The following STRN4 variants were observed in gnomAD, a reference collection of about 807,000 sequenced individuals.
STRN4 encodes striatin-4.
A neutral mutation model predicts 77.9 loss-of-function variants in STRN4; 27 were observed. That is an observed-to-expected ratio of 0.35 (90% CI 0.26 to 0.48). STRN4 has a LOEUF of 0.48. STRN4 is among the 20% of genes least tolerant of loss of function. The probability of loss-of-function intolerance (pLI) is 0.99; values close to 1 mark genes in which losing one functional copy is unlikely to be tolerated. For synonymous variants in STRN4, 466 were observed against 443.1 expected (o/e 1.05, Z -0.65); for missense variants, 798 against 1,049.7 (o/e 0.76, Z 3.31).
At position 46,733,571 on chromosome 19, in the gene STRN4, A is replaced by C. The variant is rs2054299451; in HGVS notation, c.540-335T>G. ...CAGAAGATCAACAGGGCAGAGCCTTAAGGGAAGCTGGCCACGGTAAACAGC... is the reference window on the plus strand; with the variant it reads ...CAGAAGATCAACAGGGCAGAGCCTTCAGGGAAGCTGGCCACGGTAAACAGC... On this transcript the variant is annotated intron_variant, in intron 4 of 17. Coordinates refer to ENST00000263280, the MANE Select transcript of STRN4 (RefSeq NM_013403.3). The surrounding 1 kb of genome is among the most constrained non-coding windows in gnomAD (Gnocchi z 4.3). 3.8e-6 allele frequency: 1 copy of C among 265,700 alleles called. No individual in the cohort carries two copies. Among genetic ancestry groups the C allele is most frequent in the East Asian group, 8.0e-5 (1 of 12,468 alleles). 16.5% of individuals were successfully genotyped at this position (265,700 alleles called of 1,614,324 possible).
chr19:46,738,900 G>C lies in STRN4; in HGVS notation c.283-12C>G, dbSNP rs750939578. 6.2e-7 allele frequency: 1 copy of C among 1,611,096 alleles called. No homozygotes were observed. Among genetic ancestry groups the C allele is most frequent in the Non-Finnish European group, 8.5e-7 (1 of 1,177,960 alleles). ...AAGGCCACCTGAGCCTGGGAGGGCAGACAGGAGGCAAAGGGAGATAATGGG... is the reference window on the plus strand; with the variant it reads ...AAGGCCACCTGAGCCTGGGAGGGCACACAGGAGGCAAAGGGAGATAATGGG... On this transcript the variant is annotated splice_polypyrimidine_tract_variant and intron_variant, in intron 1 of 17. Transcript: ENST00000263280. The surrounding 1 kb of genome is among the most constrained non-coding windows in gnomAD (Gnocchi z 4.5).
Position 46,738,252 on chromosome 19 carries a change from G to A in STRN4, c.387-15C>T. ...GATATTTGGCCCTAAAAGAGCAAAT[G>A]ATTAATGAATAAGAGATGCGGGAGA... On this transcript the variant is annotated splice_polypyrimidine_tract_variant and intron_variant, in intron 2 of 17. Transcript: ENST00000263280. The surrounding 1 kb of genome is among the most constrained non-coding windows in gnomAD (Gnocchi z 4.5). 1 of 1,611,570 alleles carries A rather than the reference G, an allele frequency of 6.2e-7. No individual in the cohort carries two copies. Among genetic ancestry groups the A allele is most frequent in the Non-Finnish European group, 8.5e-7 (1 of 1,177,706 alleles).
Position 46,746,196 on chromosome 19 carries a change from A to G in STRN4, c.235T>C (p.Phe79Leu). 6.5e-7 allele frequency: 1 copy of G among 1,539,278 alleles called. No individual in the cohort carries two copies. Among genetic ancestry groups the G allele is most frequent in the Non-Finnish European group, 8.7e-7 (1 of 1,151,238 alleles). ...LHFIQHEWAR[F>L]EAEKARWEAE... ...TCCCAGCGGGCTTTCTCGGCTTCGA[A>G]GCGCGCCCACTCGTGCTGGATAAAG... Residue 79 changes from phenylalanine (F) to leucine (L), a missense_variant, in exon 1 of 18, where the codon TTC becomes CTC. By Grantham distance (22) the Phe-to-Leu change is conservative (BLOSUM62 0). Coordinates refer to ENST00000263280, the MANE Select transcript of STRN4 (RefSeq NM_013403.3).
intron 16 of STRN4, chr19:46,721,053 C>G: frequency 2.9e-6 from 1 of 349,754 alleles, no homozygotes; most frequent in Middle Eastern, 7.4e-4. Flanking sequence ...CTCCCTGCCC[C>G]GCAGCACTGA....
At chr19:46,730,932 A>G in intron 5 of STRN4, 59 bp from the exon 6 acceptor site, 1 of 1,592,838 alleles carries the variant, frequency 6.3e-7, no homozygotes, top group Non-Finnish European at 8.5e-7. Context: ...AAGCTCAGAT[A>G]GGAAGGTGCC....
At chr19:46,746,099 G>C (rs571064207) in intron 1 of STRN4, 50 bp downstream of exon 1, 1 of 1,395,492 alleles carries the variant, frequency 7.2e-7, no homozygotes, top group Non-Finnish European at 9.3e-7. Context: ...GGGTGAGGCC[G>C]GGCCGGGCCG....
chr19:46,735,316 A>T (rs1027426823), intron 4 of STRN4, among the ~76,000 whole-genome samples: 2 of 152,106 alleles, frequency 1.3e-5, no homozygotes, highest in African/African-American at 2.4e-5. Flanking sequence ...AAAACATTAA[A>T]AAATAAATAA....
At chr19:46,736,782 C>A (rs369423867) in intron 4 of STRN4, 41 bp downstream of exon 4, 5 of 1,597,012 alleles carry the variant, frequency 3.1e-6, no homozygotes, top group Non-Finnish European at 4.3e-6. Context: ...TCAAGCCAAA[C>A]GTGTCACGTG....
At position 46,721,532 on chromosome 19, in the gene STRN4, C is replaced by T. The variant is rs376770485; in HGVS notation, c.2092+454G>A. The T allele has an allele frequency of 6.7e-5, 13 of 194,274 alleles. No individual in the cohort carries two copies. In the East Asian group the frequency reaches 8.3e-4, roughly 12 times the overall value. The allele number at this position is 194,274 out of a possible 1,614,324, so 12.0% of individuals were successfully genotyped here. ...CAGGCCTCACCCTTCACCCCCACAG[C>T]GACCTCCAGTCTCCTTCTCCACCCA... On this transcript the variant is annotated intron_variant, in intron 16 of 17. Transcript: ENST00000263280.
Position 46,738,247 on chromosome 19 carries a change from CA to C in STRN4, c.387-11del, listed in dbSNP as rs1354333553. The C allele has an allele frequency of 6.2e-7, 1 of 1,613,208 alleles. No homozygotes were observed. Among genetic ancestry groups the C allele is most frequent in the East Asian group, 2.2e-5 (1 of 44,876 alleles). On this transcript the variant is annotated splice_polypyrimidine_tract_variant and intron_variant, in intron 2 of 17. Coordinates refer to ENST00000263280, the MANE Select transcript of STRN4 (RefSeq NM_013403.3). This position sits in a 1 kb window ranked among gnomAD's most constrained non-coding sequence, Gnocchi z 4.5. ...TTTATGATATTTGGCCCTAAAAGAG[CA>C]AATGATTAATGAATAAGAGATGCGG...
chr19:46,741,872 C>T lies in STRN4; in HGVS notation c.283-2984G>A, dbSNP rs531717954. Among the ~76,000 whole-genome samples, 5 of 152,346 alleles carry T rather than the reference C, an allele frequency of 3.3e-5. No homozygotes were observed. The East Asian group carries it at 9.6e-4, about 29-fold the overall frequency. Reference sequence around the variant, plus strand: ...CCCTGCATCTCCTAAGGGCCTCCTTCCCAAGCTTCAGCAGCTGCTGGCAGG... The same window carrying T: ...CCCTGCATCTCCTAAGGGCCTCCTTTCCAAGCTTCAGCAGCTGCTGGCAGG... On this transcript the variant is annotated intron_variant, in intron 1 of 17. Transcript: ENST00000263280. The surrounding 1 kb of genome is among the most constrained non-coding windows in gnomAD (Gnocchi z 4.9).
chr19:46,720,206 T>C lies in STRN4; in HGVS notation c.*199A>G. On this transcript the variant is annotated 3_prime_UTR_variant, in exon 18 of 18. Coordinates refer to ENST00000263280, the MANE Select transcript of STRN4 (RefSeq NM_013403.3). ...GGGGGTGATTCCTGAAAGGGGCCCA[T>C]CCCCAGGCTGGATGCTTGGGGAAGG... 6.0e-6 allele frequency: 1 copy of C among 167,984 alleles called. No individual in the cohort carries two copies. The highest frequency in any genetic ancestry group is 2.4e-5 in the African/African-American group (1 of 42,162). 10.4% of individuals were successfully genotyped at this position (167,984 alleles called of 1,614,324 possible).
chr19:46,724,733 C>A, intron 12 of STRN4, 74 bp downstream of exon 12: 2 of 1,604,078 alleles, frequency 1.2e-6, no homozygotes, highest in Non-Finnish European at 1.7e-6. Context: ...GAGGTGGACG[C>A]GACGTGTGTG....
chr19:46,742,459 G>A (rs376358654), intron 1 of STRN4, among the ~76,000 whole-genome samples: 22 of 152,194 alleles, frequency 1.4e-4, no homozygotes, highest in Admixed American at 3.9e-4. Flanking sequence ...AAGTCACACC[G>A]TCTGTTAGCA....
Position 46,719,944 on chromosome 19 carries a change from G to C in STRN4, c.*461C>G, listed in dbSNP as rs919306153. Reference sequence around the variant, plus strand: ...GCCGGAGGGGAGGGGCAGCCAGGCCGGGGCTCAGCTCTGAGGCTCCCGGCT... The same window carrying C: ...GCCGGAGGGGAGGGGCAGCCAGGCCCGGGCTCAGCTCTGAGGCTCCCGGCT... On this transcript the variant is annotated 3_prime_UTR_variant, in exon 18 of 18. Coordinates refer to ENST00000263280, the MANE Select transcript of STRN4 (RefSeq NM_013403.3). The C allele has an allele frequency of 5.3e-5, 8 of 152,240 alleles. No homozygotes were observed. The highest frequency in any genetic ancestry group is 4.6e-4 in the Admixed American group (7 of 15,274). 9.4% of individuals were successfully genotyped at this position (152,240 alleles called of 1,614,324 possible). A position where few individuals can be genotyped will look rare whatever the true frequency, so the allele number is the denominator to read the frequency against.
rs1416038318 is a variant in STRN4, at chr19:46,738,231, T to C, written c.393A>G (p.Lys131=). The C allele has an allele frequency of 6.2e-7, 1 of 1,614,106 alleles. No individual in the cohort carries two copies. Among genetic ancestry groups the C allele is most frequent in the Non-Finnish European group, 8.5e-7 (1 of 1,179,982 alleles). Residue 131 remains lysine (K), a synonymous_variant, in exon 3 of 18, where the codon AAA becomes AAG. Coordinates refer to ENST00000263280, the MANE Select transcript of STRN4 (RefSeq NM_013403.3). The surrounding 1 kb of genome is among the most constrained non-coding windows in gnomAD (Gnocchi z 4.5). ...LEYALKQERA[K]YHKLKFGTDL... ...CTGTCCCAAACTTCAGTTTATGATATTTGGCCCTAAAAGAGCAAATGATTA... is the reference window on the plus strand; with the variant it reads ...CTGTCCCAAACTTCAGTTTATGATACTTGGCCCTAAAAGAGCAAATGATTA...
Position 46,741,630 on chromosome 19 carries a change from A to G in STRN4, c.283-2742T>C, listed in dbSNP as rs1041157472. On this transcript the variant is annotated intron_variant, in intron 1 of 17. Transcript: ENST00000263280. This position sits in a 1 kb window ranked among gnomAD's most constrained non-coding sequence, Gnocchi z 4.9. ...CCGCTCACCATATCCACCCACTGCC[A>G]CTCCCTCTAGCCAGAGCCGCAGAGC... Among the ~76,000 whole-genome samples, 4 of 151,684 alleles carry G rather than the reference A, an allele frequency of 2.6e-5. No individual in the cohort carries two copies. The highest frequency in any genetic ancestry group is 9.7e-5 in the African/African-American group (4 of 41,262).
chr19:46,720,161 G>T lies in STRN4; in HGVS notation c.*244C>A, dbSNP rs796355364. ...AGGAGCGGCTGTCAGGGCACAGGGG[G>T]AAACCCCGAGGCCATCCTCGGGGGT... On this transcript the variant is annotated 3_prime_UTR_variant, in exon 18 of 18. Transcript: ENST00000263280. 3.8e-5 allele frequency: 6 copies of T among 156,164 alleles called. No homozygotes were observed. Among genetic ancestry groups the T allele is most frequent in the African/African-American group, 1.4e-4 (6 of 41,688 alleles). The allele number at this position is 156,164 out of a possible 1,614,324, so 9.7% of individuals were successfully genotyped here.
intron 1 of STRN4, among the ~76,000 whole-genome samples, chr19:46,743,459 G>A (rs553207912): frequency 2.6e-5 from 4 of 152,296 alleles, no homozygotes; most frequent in Admixed American, 6.5e-5. Flanking sequence ...GGTGCTGTGC[G>A]GTGCACTGGT....
Sources: allele counts gnomAD v4.1 joint callset (sites outside exome capture counted in the v4.1 genomes callset), GRCh38; gene constraint gnomAD v4.1.1; non-coding constraint Gnocchi (gnomAD v3.1); transcripts MANE v1.5; gene names NCBI Gene and HGNC (gene_info 2026-07-23, HGNC 2026-07-21).